Variants in REEP1 observed in about 807,000 individuals in gnomAD.
The protein encoded by REEP1 is receptor accessory protein 1, also known as receptor expression-enhancing protein 1.
Under a neutral mutation model 40.3 loss-of-function variants are expected in REEP1, and 22 were observed. The observed-to-expected ratio is 0.55, with a 90% CI of 0.39 to 0.78. REEP1 has a LOEUF of 0.78. REEP1 is among the 30% of genes least tolerant of loss of function. The pLI, the probability that REEP1 is intolerant of heterozygous loss-of-function variation, is 0.00. For missense variants in REEP1, 280 were observed against 361.1 expected (o/e 0.78, Z 1.82); for synonymous variants, 116 against 139.2 (o/e 0.83, Z 1.17).
chr2:86,314,462 G>A (rs1350472619), intron 1 of REEP1, among the ~76,000 whole-genome samples: 1 of 152,040 alleles, frequency 6.6e-6, no homozygotes, highest in Non-Finnish European at 1.5e-5. Flanking sequence ...AGGCCCAGGT[G>A]GGGTGAGCAG....
chr2:86,247,347 C>T (rs1676029674), intron 5 of REEP1, among the ~76,000 whole-genome samples: 1 of 152,190 alleles, frequency 6.6e-6, no homozygotes, highest in East Asian at 1.9e-4. Flanking sequence ...AGAAATTTCT[C>T]ATGCCTGATG....
At chr2:86,281,425 C>T (rs966142574) in intron 2 of REEP1, among the ~76,000 whole-genome samples, 1 of 152,090 alleles carries the variant, frequency 6.6e-6, no homozygotes, top group Non-Finnish European at 1.5e-5. Context: ...GTCAGGAGTT[C>T]GAGACCAGCC....
At chr2:86,285,197 T>C (rs1678323530) in intron 1 of REEP1, among the ~76,000 whole-genome samples, 1 of 152,156 alleles carries the variant, frequency 6.6e-6, no homozygotes, top group Non-Finnish European at 1.5e-5. Flanking sequence ...AATCTGTGAC[T>C]TTCTGGCTGC....
chr2:86,275,526 C>A (rs952167965), intron 2 of REEP1, among the ~76,000 whole-genome samples: 18 of 152,166 alleles, frequency 1.2e-4, no homozygotes, highest in African/African-American at 4.3e-4. Context: ...ATTCCCCAAC[C>A]ATAACCACCC....
At chr2:86,288,032 A>ATTATTATTATTTTTTTTTTTTTT (rs1558916454) in intron 1 of REEP1, among the ~76,000 whole-genome samples, 9 of 149,852 alleles carry the variant, frequency 6.0e-5, no homozygotes, top group African/African-American at 2.3e-4. Context: ...TATTTTTATT[A>ATTATTATTATTTTTTTTTTTTTT]TTTTTTTGAG....
chr2:86,325,893 CT>C (rs1478866702), intron 1 of REEP1, among the ~76,000 whole-genome samples: 1 of 152,226 alleles, frequency 6.6e-6, no homozygotes, highest in Non-Finnish European at 1.5e-5. Flanking sequence ...CTTCACCCAC[CT>C]CTTCGTCTCA....
At chr2:86,222,461 T>C (rs1454237857) in intron 7 of REEP1, among the ~76,000 whole-genome samples, 1 of 152,244 alleles carries the variant, frequency 6.6e-6, no homozygotes, top group Non-Finnish European at 1.5e-5. Flanking sequence ...GCTGAGCATT[T>C]CTGCCAAGAG....
intron 2 of REEP1, among the ~76,000 whole-genome samples, chr2:86,274,697 G>C: frequency 6.6e-6 from 1 of 152,204 alleles, no homozygotes; most frequent in Admixed American, 6.5e-5. Flanking sequence ...AGTCAGAATA[G>C]AGAGAGGGAG....
intron 1 of REEP1, among the ~76,000 whole-genome samples, chr2:86,327,567 A>T (rs1573060792): frequency 1.8e-5 from 2 of 109,260 alleles, no homozygotes; most frequent in Admixed American, 9.7e-5. Context: ...GGTCTATCTT[A>T]CTTTTTTTTT....
chr2:86,246,051 A>G (rs1442967285), intron 5 of REEP1, among the ~76,000 whole-genome samples: 1 of 152,200 alleles, frequency 6.6e-6, no homozygotes, highest in Non-Finnish European at 1.5e-5. Flanking sequence ...GGCATGAGCC[A>G]TTGTGCCCAG....
At chr2:86,326,985 C>T (rs1373886914) in intron 1 of REEP1, among the ~76,000 whole-genome samples, 2 of 152,200 alleles carry the variant, frequency 1.3e-5, no homozygotes, top group African/African-American at 4.8e-5. Context: ...CCTAGCCAAT[C>T]GGGCTAGTGA....
intron 1 of REEP1, among the ~76,000 whole-genome samples, chr2:86,321,980 T>G (rs895689717): frequency 1.3e-5 from 2 of 152,212 alleles, no homozygotes; most frequent in African/African-American, 2.4e-5. Flanking sequence ...AACGCCACAC[T>G]GTTCTCAAAT....
At chr2:86,317,260 A>G (rs772278968) in intron 1 of REEP1, among the ~76,000 whole-genome samples, 2 of 152,218 alleles carry the variant, frequency 1.3e-5, no homozygotes, top group Non-Finnish European at 2.9e-5. Context: ...CCAAATAGAA[A>G]CAGGAAAAAA....
At chr2:86,283,895 A>T (rs1678239807) in intron 1 of REEP1, among the ~76,000 whole-genome samples, 1 of 152,124 alleles carries the variant, frequency 6.6e-6, no homozygotes, top group South Asian at 2.1e-4. Flanking sequence ...GCTTCTTGCG[A>T]TCACTGTGCA....
At chr2:86,268,712 C>G (rs1428591802) in intron 2 of REEP1, among the ~76,000 whole-genome samples, 1 of 152,106 alleles carries the variant, frequency 6.6e-6, no homozygotes, top group Non-Finnish European at 1.5e-5. Context: ...CTAAAGCTAT[C>G]AGATTTCAAA....
intron 5 of REEP1, among the ~76,000 whole-genome samples, chr2:86,249,475 G>A (rs1676152526): frequency 6.6e-6 from 1 of 152,130 alleles, no homozygotes; most frequent in African/African-American, 2.4e-5. Context: ...CTCATCACCT[G>A]TGCCCCCTAT....
chr2:86,222,280 G>A (rs1002588696), intron 7 of REEP1, among the ~76,000 whole-genome samples: 1 of 152,182 alleles, frequency 6.6e-6, no homozygotes, highest in African/African-American at 2.4e-5. Flanking sequence ...TAGGAGTGAT[G>A]GTTCAAGGAC....
intron 1 of REEP1, among the ~76,000 whole-genome samples, chr2:86,289,439 T>A (rs1268592371): frequency 6.6e-6 from 1 of 152,248 alleles, no homozygotes; most frequent in African/African-American, 2.4e-5. Context: ...CATGACTTTA[T>A]AATGAATCCT....
At chr2:86,307,356 G>A (rs976924037) in intron 1 of REEP1, among the ~76,000 whole-genome samples, 1 of 152,130 alleles carries the variant, frequency 6.6e-6, no homozygotes, top group Non-Finnish European at 1.5e-5. Flanking sequence ...AACAAATAGA[G>A]GCATGGCTCT....
Sources: allele counts gnomAD v4.1 joint callset (sites outside exome capture counted in the v4.1 genomes callset), GRCh38; gene constraint gnomAD v4.1.1; transcripts MANE v1.5; gene names NCBI Gene and HGNC (gene_info 2026-07-23, HGNC 2026-07-21).